The following ATG10 variants were observed in gnomAD, a reference collection of about 807,000 sequenced individuals.
The protein encoded by ATG10 is autophagy related 10.
Under a neutral mutation model 32.1 loss-of-function variants are expected in ATG10, and 30 were observed. That is an observed-to-expected ratio of 0.94 (90% CI 0.70 to 1.27). The LOEUF is 1.27. Ranked by LOEUF, ATG10 falls within the 50% of genes most tolerant of loss-of-function variation. ATG10 has a pLI of 0.00. For missense variants in ATG10, 233 were observed against 262.3 expected (o/e 0.89, Z 0.77); for synonymous variants, 87 against 91.5 (o/e 0.95, Z 0.28).
intron 4 of ATG10, among the ~76,000 whole-genome samples, chr5:82,168,606 G>C (rs1743674050): frequency 6.6e-6 from 1 of 152,128 alleles, no homozygotes; most frequent in African/African-American, 2.4e-5. Context: ...CAGGAAAAAA[G>C]GGTATAGAAT....
intron 3 of ATG10, among the ~76,000 whole-genome samples, chr5:82,135,702 T>C (rs962115705): frequency 3.3e-5 from 5 of 152,190 alleles, no homozygotes; most frequent in African/African-American, 1.2e-4. Flanking sequence ...GCTGTTGATT[T>C]GGGGTGGAGA....
At chr5:82,141,497 A>G (rs1767135513) in intron 3 of ATG10, among the ~76,000 whole-genome samples, 1 of 152,126 alleles carries the variant, frequency 6.6e-6, no homozygotes, top group Non-Finnish European at 1.5e-5. Context: ...TCATAATCCT[A>G]GTTTGGAGAG....
chr5:81,987,422 G>A, intron 1 of ATG10, 137 bp from the exon 2 acceptor site: 2 of 603,104 alleles, frequency 3.3e-6, no homozygotes. Flanking sequence ...ACCACGCCTG[G>A]CCAAAACCAT....
At chr5:82,164,815 T>G (rs1743512748) in intron 4 of ATG10, among the ~76,000 whole-genome samples, 1 of 152,210 alleles carries the variant, frequency 6.6e-6, no homozygotes, top group Non-Finnish European at 1.5e-5. Flanking sequence ...TTTCTTTACT[T>G]TAAACAAGTA....
intron 3 of ATG10, among the ~76,000 whole-genome samples, chr5:82,081,783 C>T (rs1485693759): frequency 6.6e-6 from 1 of 152,178 alleles, no homozygotes; most frequent in Non-Finnish European, 1.5e-5. Context: ...AGGATTTTTG[C>T]ATCGATGTTC....
At chr5:81,996,386 G>A (rs1177950222) in intron 2 of ATG10, among the ~76,000 whole-genome samples, 4 of 152,100 alleles carry the variant, frequency 2.6e-5, no homozygotes, top group African/African-American at 7.2e-5. Context: ...CTACAGGTAT[G>A]TACCACCACA....
intron 2 of ATG10, among the ~76,000 whole-genome samples, chr5:82,023,057 T>TC (rs113341531): frequency 2.7e-5 from 4 of 150,496 alleles, no homozygotes; most frequent in Admixed American, 1.3e-4. Flanking sequence ...TTCTCAATGC[T>TC]CCCCCCCTGC....
intron 3 of ATG10, among the ~76,000 whole-genome samples, chr5:82,116,945 C>T (rs1473510068): frequency 6.6e-6 from 1 of 152,086 alleles, no homozygotes; most frequent in Non-Finnish European, 1.5e-5. Flanking sequence ...TTAAGTTTCT[C>T]ATCCTGTACC....
chr5:82,033,204 C>T (rs1762792121), intron 2 of ATG10, among the ~76,000 whole-genome samples: 1 of 152,002 alleles, frequency 6.6e-6, no homozygotes, highest in Admixed American at 6.6e-5. Context: ...TAATAAATAT[C>T]AATGCAATAC....
At chr5:82,139,298 C>T (rs552947921) in intron 3 of ATG10, among the ~76,000 whole-genome samples, 104 of 150,520 alleles carry the variant, frequency 6.9e-4, no homozygotes, top group Middle Eastern at 3.4e-3. Context: ...TCTGCCTGGC[C>T]GCCCATTGTC....
chr5:82,218,657 C>T (rs1417697207), intron 5 of ATG10, among the ~76,000 whole-genome samples: 2 of 152,092 alleles, frequency 1.3e-5, no homozygotes, highest in East Asian at 1.9e-4. Flanking sequence ...ACAATAATTC[C>T]GTCCATTACA....
intron 2 of ATG10, among the ~76,000 whole-genome samples, chr5:82,008,660 T>G (rs1393194269): frequency 6.6e-6 from 1 of 152,206 alleles, no homozygotes; most frequent in Non-Finnish European, 1.5e-5. Flanking sequence ...AGTTCAGCTG[T>G]ATTTCAAAAA....
chr5:82,016,855 A>G (rs890745577), intron 2 of ATG10, among the ~76,000 whole-genome samples: 1 of 151,670 alleles, frequency 6.6e-6, no homozygotes, highest in African/African-American at 2.4e-5. Context: ...CGCCTGGCTA[A>G]TTTTTTGTAT....
chr5:82,110,741 T>G (rs1261254044), intron 3 of ATG10, among the ~76,000 whole-genome samples: 8 of 152,152 alleles, frequency 5.3e-5, no homozygotes, highest in Non-Finnish European at 7.3e-5. Flanking sequence ...TTTCTCCCAT[T>G]TTGTAGGTTG....
In ATG10 at chr5:82,045,414, G is replaced by C. The variant is rs1763204947; in HGVS notation, c.109-13081G>C. Among the ~76,000 whole-genome samples, 3 of 152,098 alleles carry C rather than the reference G, an allele frequency of 2.0e-5. No individual in the cohort carries two copies. In the South Asian group the frequency reaches 6.2e-4, roughly 32 times the overall value. On this transcript the variant is annotated intron_variant, in intron 2 of 7. Transcript: ENST00000282185. ...TAGGAACACAGCAGTGGGAGAACAT[G>C]ATCAACTCATGGAACTGAAGGAGAG...
chr5:82,231,443 C>T (rs17245874), intron 5 of ATG10, among the ~76,000 whole-genome samples: 21,648 of 152,148 alleles, frequency 0.14, 2,053 homozygotes, highest in East Asian at 0.35. Context: ...ACTTGCAAAA[C>T]ACCATAATAC....
intron 1 of ATG10, among the ~76,000 whole-genome samples, chr5:81,978,935 T>C (rs1760949540): frequency 6.6e-6 from 1 of 152,190 alleles, no homozygotes; most frequent in Non-Finnish European, 1.5e-5. Flanking sequence ...AGTCTCGCTT[T>C]GTCGCCCAGG....
intron 2 of ATG10, among the ~76,000 whole-genome samples, chr5:81,991,652 G>T (rs747424222): frequency 3.9e-5 from 6 of 151,988 alleles, no homozygotes; most frequent in Admixed American, 6.6e-5. Context: ...AAAATTAGCC[G>T]AGTGTGGTGG....
At chr5:82,208,662 A>G (rs1581804858) in intron 5 of ATG10, among the ~76,000 whole-genome samples, 1 of 152,208 alleles carries the variant, frequency 6.6e-6, no homozygotes, top group African/African-American at 2.4e-5. Context: ...ATTTTCTGCT[A>G]GATATTTTTT....
Sources: gnomAD v4.1 joint callset for allele counts (sites outside exome capture counted in the v4.1 genomes callset) on GRCh38, gnomAD v4.1.1 for gene constraint, MANE v1.5 for transcripts, NCBI Gene and HGNC (gene_info 2026-07-23, HGNC 2026-07-21) for gene names.